Variants in ZNF100 observed in about 807,000 individuals in gnomAD.
ZNF100 encodes zinc finger protein 100 (Y1).
In ZNF100, 12 loss-of-function variants were observed where a neutral mutation model predicts 15.8. The ratio of observed to expected loss-of-function variants is 0.76; its 90% CI spans 0.49 to 1.23. The LOEUF (loss-of-function observed/expected upper bound fraction) is 1.23, where lower values mean the gene tolerates loss of function less well. Among genes scored for constraint, ZNF100 ranks in the 50% most tolerant of loss-of-function variants. The probability of loss-of-function intolerance (pLI) is 0.00; values close to 1 mark genes in which losing one functional copy is unlikely to be tolerated. For synonymous variants in ZNF100, 226 were observed against 214.8 expected (o/e 1.05, Z -0.45); for missense variants, 670 against 635.6 (o/e 1.05, Z -0.58).
intron 4 of ZNF100, among the ~76,000 whole-genome samples, chr19:21,731,309 TTTTATTTTTTA>T (rs2035914908): frequency 6.8e-6 from 1 of 146,718 alleles, no homozygotes; most frequent in South Asian, 2.2e-4. Flanking sequence ...TTCCTTTTTT[TTTTATTTTTTA>T]TTTTTTGAGA....
chr19:21,737,252 G>A (rs188964671), intron 4 of ZNF100, among the ~76,000 whole-genome samples: 9 of 152,188 alleles, frequency 5.9e-5, no homozygotes, highest in South Asian at 2.1e-4. Context: ...AGGGCTTGGC[G>A]TGGTAGATCA....
intron 4 of ZNF100, among the ~76,000 whole-genome samples, chr19:21,730,587 A>G (rs1425732745): frequency 6.6e-6 from 1 of 152,010 alleles, no homozygotes; most frequent in African/African-American, 2.4e-5. Context: ...TTTCTGTAAT[A>G]AAAATAAATC....
Position 21,759,942 on chromosome 19 carries a change from G to A in ZNF100, c.96+5752C>T, listed in dbSNP as rs985951910. 4.6e-5 allele frequency among the ~76,000 whole-genome samples: 7 copies of A among 152,224 alleles called. No individual in the cohort carries two copies. In the South Asian group the frequency reaches 8.3e-4, roughly 18 times the overall value. On this transcript the variant is annotated intron_variant, in intron 2 of 4. Transcript: ENST00000358296. Reference sequence around the variant, plus strand: ...TCACGCCTGTAATCTCAGCACTTTCGGAGGCCGAGATGGGTGGATCACCTG... The same window carrying A: ...TCACGCCTGTAATCTCAGCACTTTCAGAGGCCGAGATGGGTGGATCACCTG...
At chr19:21,767,282 G>A in intron 1 of ZNF100, 145 bp downstream of exon 1, 3 of 1,400,916 alleles carry the variant, frequency 2.1e-6, no homozygotes, top group Non-Finnish European at 3.0e-6. Flanking sequence ...GCCATCTTAT[G>A]GCCGAAGGGG....
At chr19:21,742,544 T>A (rs986254903) in intron 4 of ZNF100, among the ~76,000 whole-genome samples, 1 of 151,902 alleles carries the variant, frequency 6.6e-6, no homozygotes, top group African/African-American at 2.4e-5. Context: ...AGGTATTTCC[T>A]CCATCAAATT....
chr19:21,751,083 C>T, intron 2 of ZNF100: 1 of 1,434,182 alleles, frequency 7.0e-7, no homozygotes, highest in Non-Finnish European at 9.8e-7. Context: ...TGGAGTCAAA[C>T]CCTTCTGACC....
At chr19:21,746,294 G>C (rs562929149) in intron 2 of ZNF100, among the ~76,000 whole-genome samples, 2 of 152,276 alleles carry the variant, frequency 1.3e-5, no homozygotes, top group South Asian at 4.1e-4. Context: ...TATCTCCAAT[G>C]TTCTGTAATT....
intron 4 of ZNF100, among the ~76,000 whole-genome samples, chr19:21,728,742 T>C (rs1184759362): frequency 2.0e-5 from 3 of 151,742 alleles, no homozygotes; most frequent in Non-Finnish European, 4.4e-5. Flanking sequence ...TTACAATGTA[T>C]ACAAAATAAG....
At chr19:21,754,475 G>C (rs1227803149) in intron 2 of ZNF100, among the ~76,000 whole-genome samples, 1 of 152,088 alleles carries the variant, frequency 6.6e-6, no homozygotes, top group African/African-American at 2.4e-5. Context: ...AGAGACCTCA[G>C]AAATACCACC....
intron 2 of ZNF100, among the ~76,000 whole-genome samples, chr19:21,747,224 T>C (rs1329970517): frequency 1.3e-5 from 2 of 152,176 alleles, no homozygotes; most frequent in Non-Finnish European, 2.9e-5. Context: ...GGCACTTAAC[T>C]CTCATGAATG....
At chr19:21,729,107 C>CA (rs1259825820) in intron 4 of ZNF100, among the ~76,000 whole-genome samples, 2 of 151,908 alleles carry the variant, frequency 1.3e-5, no homozygotes, top group Non-Finnish European at 2.9e-5. Context: ...TTGGGAGCTG[C>CA]AAGATAAAAG....
chr19:21,739,094 A>C (rs775509911), intron 4 of ZNF100, among the ~76,000 whole-genome samples: 4 of 152,242 alleles, frequency 2.6e-5, no homozygotes, highest in Non-Finnish European at 5.9e-5. Flanking sequence ...CAGGTTCCAC[A>C]TCCAACATTG....
intron 4 of ZNF100, among the ~76,000 whole-genome samples, chr19:21,730,667 T>C (rs373186777): frequency 2.0e-5 from 3 of 152,174 alleles, no homozygotes; most frequent in African/African-American, 7.2e-5. Context: ...AACAGAGGTA[T>C]AGAGAAGATT....
chr19:21,751,734 A>T (rs35358346), intron 2 of ZNF100: 106,430 of 1,281,180 alleles, frequency 0.083, 5,580 homozygotes, highest in South Asian at 0.19. Flanking sequence ...TACCTTGACC[A>T]TCGCTCCTTA....
intron 3 of ZNF100, among the ~76,000 whole-genome samples, chr19:21,744,319 A>T (rs915628506): frequency 6.6e-6 from 1 of 152,188 alleles, no homozygotes; most frequent in East Asian, 1.9e-4. Context: ...GAATCAAAAA[A>T]TTGGTGGTGA....
At chr19:21,731,609 G>A (rs2035921697) in intron 4 of ZNF100, among the ~76,000 whole-genome samples, 1 of 152,020 alleles carries the variant, frequency 6.6e-6, no homozygotes, top group African/African-American at 2.4e-5. Context: ...GCCCGGCAAT[G>A]CAACTTTCTG....
chr19:21,734,007 A>G (rs1023353046), intron 4 of ZNF100, among the ~76,000 whole-genome samples: 4 of 152,214 alleles, frequency 2.6e-5, no homozygotes, highest in Non-Finnish European at 1.5e-5. Context: ...GAAAAACAGA[A>G]AGCAACCACA....
At position 21,724,907 on chromosome 19, in the gene ZNF100, T is replaced by C. The variant is rs1387593502; in HGVS notation, c.*1776A>G. Reference sequence around the variant, plus strand: ...TCTCTACTAAAATACAAAAATTAGCTGGGCATGGTGGTGGGTGCCTGTAAT... The same window carrying C: ...TCTCTACTAAAATACAAAAATTAGCCGGGCATGGTGGTGGGTGCCTGTAAT... On this transcript the variant is annotated 3_prime_UTR_variant, in exon 5 of 5. Transcript: ENST00000358296. 6.6e-6 allele frequency: 1 copy of C among 151,994 alleles called. No homozygotes were observed. Among genetic ancestry groups the C allele is most frequent in the African/African-American group, 2.4e-5 (1 of 41,376 alleles). The allele number at this position is 151,994 out of a possible 1,614,324, so 9.4% of individuals were successfully genotyped here.
chr19:21,741,384 A>T (rs112748648), intron 4 of ZNF100, among the ~76,000 whole-genome samples: 8,723 of 151,816 alleles, frequency 0.057, 281 homozygotes, highest in African/African-American at 0.097. Flanking sequence ...TATTATTATT[A>T]TTTTTTTTGA....
Sources: gnomAD v4.1 joint callset for allele counts (sites outside exome capture counted in the v4.1 genomes callset) on GRCh38, gnomAD v4.1.1 for gene constraint, MANE v1.5 for transcripts, NCBI Gene and HGNC (gene_info 2026-07-23, HGNC 2026-07-21) for gene names.